The following PRR16 variants were observed in gnomAD, a reference collection of about 807,000 sequenced individuals.
PRR16 encodes the protein proline rich 16, also known as protein Largen.
Under a neutral mutation model 18.2 loss-of-function variants are expected in PRR16, and 6 were observed. The ratio of observed to expected loss-of-function variants is 0.33; its 90% CI spans 0.18 to 0.65. The LOEUF (loss-of-function observed/expected upper bound fraction) is 0.65. Ranked by LOEUF, PRR16 falls within the 30% of genes least tolerant of loss-of-function variation. The pLI is 0.74. For synonymous variants in PRR16, 151 were observed against 147.8 expected (o/e 1.02, Z -0.16); for missense variants, 412 against 376.6 (o/e 1.09, Z -0.78).
chr5:120,499,246 A>T (rs1381924146), intron 1 of PRR16, among the ~76,000 whole-genome samples: 1 of 151,644 alleles, frequency 6.6e-6, no homozygotes, highest in Admixed American at 6.6e-5. Flanking sequence ...AGTAGTTGGG[A>T]TTACAGGCAG....
chr5:120,788,886 A>G, the PRR16 span, among the ~76,000 whole-genome samples: 1 of 152,036 alleles, frequency 6.6e-6, no homozygotes, highest in Non-Finnish European at 1.5e-5. Flanking sequence ...ATTTAGTACT[A>G]AAACATTGTC....
the PRR16 span, among the ~76,000 whole-genome samples, chr5:120,779,870 A>C: frequency 2.0e-5 from 3 of 152,126 alleles, no homozygotes; most frequent in Non-Finnish European, 4.4e-5. Flanking sequence ...GACGTGTGCC[A>C]AGTAGCCTTG....
intron 1 of PRR16, among the ~76,000 whole-genome samples, chr5:120,588,336 A>T (rs1753520385): frequency 6.6e-6 from 1 of 152,200 alleles, no homozygotes; most frequent in African/African-American, 2.4e-5. Flanking sequence ...AAATGCTATC[A>T]GCCTCTCATG....
intron 1 of PRR16, among the ~76,000 whole-genome samples, chr5:120,574,402 G>A (rs1368780702): frequency 8.6e-5 from 13 of 151,986 alleles, no homozygotes; most frequent in Non-Finnish European, 1.8e-4. Context: ...CCAGGAGTTC[G>A]AGACCAGCCT....
chr5:120,584,833 C>T (rs1470232786), intron 1 of PRR16, among the ~76,000 whole-genome samples: 1 of 152,130 alleles, frequency 6.6e-6, no homozygotes, highest in African/African-American at 2.4e-5. Flanking sequence ...ATGCTACTTT[C>T]ATATGTTATC....
At chr5:120,692,182 G>T (rs2150159080), downstream of PRR16, among the ~76,000 whole-genome samples, 1 of 152,334 alleles carries the variant, frequency 6.6e-6, no homozygotes, top group African/African-American at 2.4e-5. Context: ...ATTTGCCTTA[G>T]AAGGCTGTTG....
the PRR16 span, among the ~76,000 whole-genome samples, chr5:120,754,413 C>G: frequency 0.22 from 4,968 of 23,066 alleles, 161 homozygotes; most frequent in East Asian, 0.36. Flanking sequence ...ATACTATATA[C>G]TATATATTAT....
chr5:120,768,468 G>A, the PRR16 span, among the ~76,000 whole-genome samples: 4 of 151,156 alleles, frequency 2.6e-5, no homozygotes, highest in African/African-American at 9.7e-5. Context: ...TATATATATA[G>A]AATTTATTGA....
At chr5:120,756,506 T>C in the PRR16 span, among the ~76,000 whole-genome samples, 1 of 152,116 alleles carries the variant, frequency 6.6e-6, no homozygotes, top group Non-Finnish European at 1.5e-5. Flanking sequence ...TATGAGATGG[T>C]ATCTCACTAT....
chr5:120,669,821 A>G (rs1487243108), intron 1 of PRR16, among the ~76,000 whole-genome samples: 1 of 152,116 alleles, frequency 6.6e-6, no homozygotes, highest in Non-Finnish European at 1.5e-5. Context: ...GATTTTTTAA[A>G]GTAATAATTC....
At chr5:120,755,573 T>C in the PRR16 span, among the ~76,000 whole-genome samples, 1 of 152,154 alleles carries the variant, frequency 6.6e-6, no homozygotes, top group East Asian at 1.9e-4. Flanking sequence ...CATCCATTTT[T>C]ATGGCTGCAT....
the PRR16 span, among the ~76,000 whole-genome samples, chr5:120,779,777 G>A: frequency 6.6e-6 from 1 of 152,096 alleles, no homozygotes; most frequent in Non-Finnish European, 1.5e-5. Context: ...TTTGATTCTA[G>A]TTTCATTTCT....
intron 1 of PRR16, among the ~76,000 whole-genome samples, chr5:120,669,345 G>A (rs1321040686): frequency 6.6e-6 from 1 of 151,956 alleles, no homozygotes; most frequent in African/African-American, 2.4e-5. Context: ...TGATGGTGGT[G>A]TGTTCATACA....
intron 1 of PRR16, among the ~76,000 whole-genome samples, chr5:120,559,238 G>C (rs1389124505): frequency 6.6e-6 from 1 of 151,850 alleles, no homozygotes; most frequent in South Asian, 2.1e-4. Flanking sequence ...CAATGTCCAG[G>C]AGAGTTCCCC....
At chr5:120,493,451 T>A (rs1561515356) in intron 1 of PRR16, among the ~76,000 whole-genome samples, 1 of 152,194 alleles carries the variant, frequency 6.6e-6, no homozygotes, top group East Asian at 1.9e-4. Context: ...TACTGTTTAT[T>A]TTTTTAATTT....
chr5:120,709,039 G>T, the PRR16 span, among the ~76,000 whole-genome samples: 1 of 115,192 alleles, frequency 8.7e-6, no homozygotes, highest in Non-Finnish European at 1.7e-5. Flanking sequence ...ACAGAGTCTT[G>T]CTCTGTGGTC....
the PRR16 span, among the ~76,000 whole-genome samples, chr5:120,753,445 G>C: frequency 2.0e-5 from 3 of 151,936 alleles, no homozygotes; most frequent in Admixed American, 1.3e-4. Context: ...CAAGTCAGAA[G>C]CCATGAGTTT....
chr5:120,670,245 C>T (rs1433705045), intron 1 of PRR16, among the ~76,000 whole-genome samples: 1 of 152,118 alleles, frequency 6.6e-6, no homozygotes, highest in Non-Finnish European at 1.5e-5. Context: ...TATCTCCCAA[C>T]ACAGTTTTGT....
chr5:120,464,452 C>T lies in PRR16; in HGVS notation c.-35C>T. The T allele has an allele frequency of 6.4e-7, 1 of 1,550,718 alleles. No homozygotes were observed. The highest frequency in any genetic ancestry group is 8.7e-7 in the Non-Finnish European group (1 of 1,154,836). On this transcript the variant is annotated 5_prime_UTR_variant, in exon 1 of 2. Coordinates refer to ENST00000407149, the MANE Select transcript of PRR16 (RefSeq NM_001300783.2). ...GGGCACGCAGCAGCCTCCGCTCGCC[C>T]GCCTGTCCTGACCTGCCTCGCTTGC...
Sources: allele counts gnomAD v4.1 joint callset (sites outside exome capture counted in the v4.1 genomes callset), GRCh38; gene constraint gnomAD v4.1.1; transcripts MANE v1.5; gene names NCBI Gene and HGNC (gene_info 2026-07-23, HGNC 2026-07-21).